PDE3A: variants seen among roughly 807,000 people sequenced by gnomAD.
PDE3A encodes the protein cGMP-inhibited 3',5'-cyclic phosphodiesterase 3A.
A neutral mutation model predicts 98.3 loss-of-function variants in PDE3A; 43 were observed. The ratio of observed to expected loss-of-function variants is 0.44; its 90% CI spans 0.34 to 0.56. The LOEUF (loss-of-function observed/expected upper bound fraction) is 0.56, where lower values mean the gene tolerates loss of function less well. PDE3A is among the 20% of genes least tolerant of loss of function. The pLI is 0.01. For missense variants in PDE3A, 1,427 were observed against 1,440.7 expected (o/e 0.99, Z 0.15); for synonymous variants, 663 against 567.9 (o/e 1.17, Z -2.38).
chr12:20,672,313 C>T (rs367897050), intron 15 of PDE3A, among the ~76,000 whole-genome samples: 2 of 141,052 alleles, frequency 1.4e-5, no homozygotes, highest in African/African-American at 5.4e-5. Context: ...CATCAAGCTA[C>T]CAATGCCTTT....
chr12:20,385,617 T>C (rs1391207336), intron 1 of PDE3A, among the ~76,000 whole-genome samples: 2 of 151,650 alleles, frequency 1.3e-5, no homozygotes, highest in African/African-American at 2.4e-5. Flanking sequence ...CCATAAAAAA[T>C]GATGAGTTCA....
intron 2 of PDE3A, among the ~76,000 whole-genome samples, chr12:20,568,861 G>A (rs747132443): frequency 6.6e-6 from 1 of 151,948 alleles, no homozygotes; most frequent in Non-Finnish European, 1.5e-5. Context: ...TAGAGAGCAT[G>A]GAAAAGAATT....
rs548532850 is a variant in PDE3A, at chr12:20,422,239, G to A, written c.960+51995G>A. ...CGGGCACCTGTAGTCCCAGCTACTC[G>A]GGAGGCTGAGGGGAGAATGGCGTGA... is the stretch of plus-strand genomic sequence containing the variant. On this transcript the variant is annotated intron_variant, in intron 1 of 15. Transcript: ENST00000359062. 4.6e-5 allele frequency among the ~76,000 whole-genome samples: 7 copies of A among 152,086 alleles called. No individual in the cohort carries two copies. The East Asian group carries it at 7.8e-4, about 17-fold the overall frequency.
intron 1 of PDE3A, among the ~76,000 whole-genome samples, chr12:20,532,053 T>C (rs945049044): frequency 2.6e-5 from 4 of 152,096 alleles, no homozygotes; most frequent in African/African-American, 9.6e-5. Flanking sequence ...AACAGCAAAA[T>C]ATGGAGCAGA....
chr12:20,400,224 G>A (rs774230542), intron 1 of PDE3A, among the ~76,000 whole-genome samples: 15 of 151,848 alleles, frequency 9.9e-5, no homozygotes, highest in Non-Finnish European at 1.9e-4. Context: ...TTAAAAGTAC[G>A]GAGCTGCTTG....
chr12:20,375,829 C>T (rs1943561145), intron 1 of PDE3A, among the ~76,000 whole-genome samples: 1 of 151,890 alleles, frequency 6.6e-6, no homozygotes. Context: ...CATATAATAA[C>T]TTGGAGCAGG....
chr12:20,385,560 C>A (rs567766913), intron 1 of PDE3A, among the ~76,000 whole-genome samples: 1 of 151,772 alleles, frequency 6.6e-6, no homozygotes, highest in Non-Finnish European at 1.5e-5. Flanking sequence ...CAATGATAGA[C>A]TGGATTAAGA....
intron 15 of PDE3A, among the ~76,000 whole-genome samples, chr12:20,662,682 T>C (rs546555920): frequency 6.6e-6 from 1 of 152,268 alleles, no homozygotes; most frequent in Admixed American, 6.5e-5. Flanking sequence ...TTAAAATCTC[T>C]CAGTTTTATG....
intron 1 of PDE3A, among the ~76,000 whole-genome samples, chr12:20,532,520 GAGA>G (rs1335587937): frequency 2.0e-5 from 3 of 152,082 alleles, no homozygotes; most frequent in Non-Finnish European, 4.4e-5. Flanking sequence ...ATCAGTCTGA[GAGA>G]TTCTCTGGTT....
chr12:20,434,208 C>A (rs1206754973), intron 1 of PDE3A, among the ~76,000 whole-genome samples: 4 of 151,698 alleles, frequency 2.6e-5, no homozygotes, highest in Non-Finnish European at 5.9e-5. Flanking sequence ...GTTTCTCTTA[C>A]AATAGTCTTG....
At chr12:20,578,085 T>C (rs1299348303) in intron 2 of PDE3A, among the ~76,000 whole-genome samples, 1 of 152,168 alleles carries the variant, frequency 6.6e-6, no homozygotes, top group Non-Finnish European at 1.5e-5. Flanking sequence ...TTCTTAAAGA[T>C]CACTTATGCA....
In PDE3A at chr12:20,386,133, ATATATATAAAT is replaced by A. The variant is rs1221840371; in HGVS notation, c.960+15890_960+15900del. Among the ~76,000 whole-genome samples the A allele has an allele frequency of 2.9e-4, 24 of 81,580 alleles. 6 individuals are homozygous for A. Among genetic ancestry groups the A allele is most frequent in the South Asian group, 1.6e-3 (5 of 3,074 alleles). The allele number at this position is 81,580 out of a possible 152,430, so 53.5% of individuals were successfully genotyped here. Reference sequence around the variant, plus strand: ...TATAAATATATATAAATATATATAAATATATATAAATATATATATAAATATATATAAATATA... The same window carrying A: ...TATAAATATATATAAATATATATAAAATATATATAAATATATATAAATATA... On this transcript the variant is annotated intron_variant, in intron 1 of 15. Coordinates refer to ENST00000359062, the MANE Select transcript of PDE3A (RefSeq NM_000921.5).
chr12:20,557,662 T>G (rs1358336931), intron 2 of PDE3A, among the ~76,000 whole-genome samples: 1 of 152,336 alleles, frequency 6.6e-6, no homozygotes, highest in South Asian at 2.1e-4. Context: ...TGAATAACTC[T>G]ACTTAATTCC....
intron 15 of PDE3A, among the ~76,000 whole-genome samples, chr12:20,665,637 G>A (rs1268436345): frequency 6.6e-6 from 1 of 151,980 alleles, no homozygotes; most frequent in African/African-American, 2.4e-5. Context: ...ATAGACAGAA[G>A]CAAATAATTT....
chr12:20,441,991 TC>T, intron 1 of PDE3A, among the ~76,000 whole-genome samples: 1 of 152,212 alleles, frequency 6.6e-6, no homozygotes, highest in East Asian at 1.9e-4. Context: ...CTTCTGCTTT[TC>T]CTTAGGTTAG....
Position 20,680,380 on chromosome 12 carries a change from G to T in PDE3A, c.*109G>T, listed in dbSNP as rs1452465018. 2 of 1,120,112 alleles carry T rather than the reference G, an allele frequency of 1.8e-6. No individual in the cohort carries two copies. Among genetic ancestry groups the T allele is most frequent in the African/African-American group, 1.6e-5 (1 of 64,174 alleles). 69.4% of individuals were successfully genotyped at this position (1,120,112 alleles called of 1,614,324 possible). On this transcript the variant is annotated 3_prime_UTR_variant, in exon 16 of 16. Coordinates refer to ENST00000359062, the MANE Select transcript of PDE3A (RefSeq NM_000921.5). ...CTGTAGAAATTTGAGATGGGCAAAT[G>T]GCTATTGCATTTTGGGATTCTTCGC...
intron 6 of PDE3A, among the ~76,000 whole-genome samples, chr12:20,631,305 T>A (rs1291570973): frequency 6.6e-6 from 1 of 152,208 alleles, no homozygotes; most frequent in African/African-American, 2.4e-5. Context: ...AGATATATCA[T>A]ACATCCCTGT....
chr12:20,681,701 T>C lies in PDE3A; in HGVS notation c.*1430T>C, dbSNP rs7305275. ...GATTATAGAGAGATTGTTTGAAGAT[T>C]GGGTTATTATTGAAAGTCTTTTTTT... On this transcript the variant is annotated 3_prime_UTR_variant, in exon 16 of 16. Coordinates refer to ENST00000359062, the MANE Select transcript of PDE3A (RefSeq NM_000921.5). 0.7 allele frequency: 105,966 copies of C among 151,942 alleles called. 37,202 individuals are homozygous for C. Among genetic ancestry groups the C allele is most frequent in the East Asian group, 0.82 (4,219 of 5,128 alleles). 9.4% of individuals were successfully genotyped at this position (151,942 alleles called of 1,614,324 possible). A position where few individuals can be genotyped will look rare whatever the true frequency, so the allele number is the denominator to read the frequency against.
At chr12:20,643,726 C>T (rs930524729) in intron 10 of PDE3A, among the ~76,000 whole-genome samples, 1 of 151,926 alleles carries the variant, frequency 6.6e-6, no homozygotes, top group African/African-American at 2.4e-5. Flanking sequence ...AAGATTGTAC[C>T]AGCCTCATAA....
Sources: allele counts gnomAD v4.1 joint callset (sites outside exome capture counted in the v4.1 genomes callset), GRCh38; gene constraint gnomAD v4.1.1; transcripts MANE v1.5; gene names NCBI Gene and HGNC (gene_info 2026-07-23, HGNC 2026-07-21).